The following PINX1 variants were observed in gnomAD, a reference collection of about 807,000 sequenced individuals.
The protein encoded by PINX1 is PIN2/TERF1-interacting telomerase inhibitor 1.
Under a neutral mutation model 25.4 loss-of-function variants are expected in PINX1, and 34 were observed. The observed-to-expected ratio is 1.34, with a 90% CI of 1.02 to 1.78. The LOEUF (loss-of-function observed/expected upper bound fraction) is 1.78, where lower values mean the gene tolerates loss of function less well. PINX1 is among the 40% of genes most tolerant of loss of function. The pLI, the probability that PINX1 is intolerant of heterozygous loss-of-function variation, is 0.00. For missense variants in PINX1, 592 were observed against 404.9 expected (o/e 1.46, Z -3.97); for synonymous variants, 197 against 147.7 (o/e 1.33, Z -2.42).
At chr8:10,827,014 C>G (rs967842504) in intron 4 of PINX1, among the ~76,000 whole-genome samples, 3 of 152,198 alleles carry the variant, frequency 2.0e-5, no homozygotes, top group African/African-American at 7.2e-5. Flanking sequence ...ATGATGAAAA[C>G]TGGCTAAGGT....
intron 1 of PINX1, 74 bp from the exon 2 acceptor site, chr8:10,834,849 C>T (rs1549796): frequency 0.52 from 490,308 of 946,854 alleles, 133,451 homozygotes; most frequent in African/African-American, 0.72. Context: ...TACACATGCA[C>T]AACTTTGTGT....
At chr8:10,768,186 G>A (rs916123825) in intron 6 of PINX1, among the ~76,000 whole-genome samples, 5 of 152,066 alleles carry the variant, frequency 3.3e-5, no homozygotes, top group South Asian at 2.1e-4. Flanking sequence ...CGGCTGGCTC[G>A]TTTATGCAAC....
At chr8:10,839,679 C>A (rs894331458) in intron 1 of PINX1, 59 bp downstream of exon 1, 11 of 1,542,042 alleles carry the variant, frequency 7.1e-6, no homozygotes, top group African/African-American at 5.5e-5. Flanking sequence ...GGCTGCCGTG[C>A]GCGTCACCCG....
At chr8:10,795,572 T>C (rs1418715547) in intron 6 of PINX1, among the ~76,000 whole-genome samples, 1 of 152,194 alleles carries the variant, frequency 6.6e-6, no homozygotes, top group Non-Finnish European at 1.5e-5. Context: ...GGCTAATTTT[T>C]GTATTCTTAG....
intron 6 of PINX1, among the ~76,000 whole-genome samples, chr8:10,811,685 C>G (rs1446086287): frequency 6.6e-6 from 1 of 152,144 alleles, no homozygotes; most frequent in East Asian, 1.9e-4. Flanking sequence ...CTCGGGGTGC[C>G]TGCATAACTC....
chr8:10,787,591 A>C, intron 6 of PINX1: 1 of 291,544 alleles, frequency 3.4e-6, no homozygotes, highest in Non-Finnish European at 6.7e-6. Context: ...TTCAGATTAC[A>C]CTGTAAGCTA....
At chr8:10,821,577 C>T (rs2409652) in intron 5 of PINX1, among the ~76,000 whole-genome samples, 37,975 of 152,068 alleles carry the variant, frequency 0.25, 5,054 homozygotes, top group African/African-American at 0.3. Flanking sequence ...ACGATGCACA[C>T]CACAGATACG....
chr8:10,798,842 T>C (rs927611557), intron 6 of PINX1, among the ~76,000 whole-genome samples: 1 of 152,226 alleles, frequency 6.6e-6, no homozygotes, highest in African/African-American at 2.4e-5. Context: ...AATATGCATT[T>C]CTAATAAGTC....
chr8:10,822,699 G>C (rs1225177796), intron 5 of PINX1, among the ~76,000 whole-genome samples: 3 of 152,264 alleles, frequency 2.0e-5, no homozygotes, highest in African/African-American at 7.2e-5. Flanking sequence ...AACTTTCATT[G>C]ACACGAGAAC....
In PINX1 at chr8:10,781,079, G is replaced by C. The variant is rs562716867; in HGVS notation, c.472-15163C>G. 1.1e-4 allele frequency among the ~76,000 whole-genome samples: 16 copies of C among 152,246 alleles called. No homozygotes were observed. In the South Asian group the frequency reaches 3.1e-3, roughly 30 times the overall value. ...TATAGTCAACTAATTTTTGACAAGAGCATGAAGAAGACACAATGGGGAAAG... is the reference window on the plus strand; with the variant it reads ...TATAGTCAACTAATTTTTGACAAGACCATGAAGAAGACACAATGGGGAAAG... On this transcript the variant is annotated intron_variant, in intron 6 of 6. Transcript: ENST00000314787.
intron 6 of PINX1, among the ~76,000 whole-genome samples, chr8:10,794,265 A>G (rs1586160523): frequency 6.6e-6 from 1 of 152,232 alleles, no homozygotes; most frequent in East Asian, 1.9e-4. Flanking sequence ...TTTAAAAATA[A>G]AATTTTAAAT....
At chr8:10,790,546 G>C (rs17718772) in intron 6 of PINX1, among the ~76,000 whole-genome samples, 24,302 of 152,106 alleles carry the variant, frequency 0.16, 2,447 homozygotes, top group Non-Finnish European at 0.23. Context: ...AGCTGTCGGA[G>C]CCTCAACTGG....
At chr8:10,802,501 T>G (rs1390367981) in intron 6 of PINX1, among the ~76,000 whole-genome samples, 1 of 152,228 alleles carries the variant, frequency 6.6e-6, no homozygotes, top group Non-Finnish European at 1.5e-5. Flanking sequence ...AATTACTTTT[T>G]GGGCTTGCTC....
Position 10,831,734 on chromosome 8 carries a change from T to C in PINX1, c.232A>G (p.Ile78Val). Residue 78 changes from isoleucine (I) to valine (V), a missense_variant, in exon 4 of 7, where the codon ATT becomes GTT. Physicochemically the swap from Ile to Val is conservative, Grantham distance 29. Coordinates refer to ENST00000314787, the MANE Select transcript of PINX1 (RefSeq NM_017884.6). Reference sequence around the variant, plus strand: ...TGGTTAAAATCATCCTGATGGGCAATCCAGTTGTCCTGAAAATATCAAAGA... The same window carrying C: ...TGGTTAAAATCATCCTGATGGGCAACCCAGTTGTCCTGAAAATATCAAAGA... ...GATINNEDNW[I>V]AHQDDFNQLL... The C allele has an allele frequency of 6.3e-7, 1 of 1,586,416 alleles. No homozygotes were observed.
chr8:10,770,541 C>T (rs1475599673), intron 6 of PINX1, among the ~76,000 whole-genome samples: 3 of 152,202 alleles, frequency 2.0e-5, no homozygotes, highest in East Asian at 1.9e-4. Flanking sequence ...GACTCTGCAG[C>T]TACATGAGTG....
At chr8:10,824,274 C>A (rs150166207) in intron 5 of PINX1, among the ~76,000 whole-genome samples, 9 of 152,274 alleles carry the variant, frequency 5.9e-5, no homozygotes, top group African/African-American at 2.2e-4. Flanking sequence ...CTAAGATAGT[C>A]CACCCTAGAG....
At chr8:10,789,304 G>A (rs764435610) in intron 6 of PINX1, among the ~76,000 whole-genome samples, 3 of 152,210 alleles carry the variant, frequency 2.0e-5, no homozygotes, top group Non-Finnish European at 2.9e-5. Context: ...AGGTATAAGT[G>A]ACAGAGGAAG....
chr8:10,807,870 G>A (rs62492347), intron 6 of PINX1, among the ~76,000 whole-genome samples: 114 of 152,314 alleles, frequency 7.5e-4, no homozygotes, highest in Non-Finnish European at 1.4e-3. Context: ...GGCCGAGCCA[G>A]CACCTAGTCC....
intron 6 of PINX1, among the ~76,000 whole-genome samples, chr8:10,784,628 T>C (rs1437985763): frequency 6.6e-6 from 1 of 152,182 alleles, no homozygotes; most frequent in Non-Finnish European, 1.5e-5. Context: ...AGGCATAAAG[T>C]AAGTTTAAGC....
Sources: allele counts gnomAD v4.1 joint callset (sites outside exome capture counted in the v4.1 genomes callset), GRCh38; gene constraint gnomAD v4.1.1; transcripts MANE v1.5; gene names NCBI Gene and HGNC (gene_info 2026-07-23, HGNC 2026-07-21).